The following FARP1 variants were observed in gnomAD, a reference collection of about 807,000 sequenced individuals.
The protein encoded by FARP1 is FERM, ARH/RhoGEF and pleckstrin domain protein 1.
FARP1 carries 52 observed loss-of-function variants against 128.8 expected under a neutral mutation model. The ratio of observed to expected loss-of-function variants is 0.40; its 90% CI spans 0.32 to 0.51. The LOEUF is 0.51. Among genes scored for constraint, FARP1 ranks in the 20% least tolerant of loss-of-function variants. FARP1 has a pLI of 0.45. For missense variants in FARP1, 1,333 were observed against 1,367.9 expected (o/e 0.97, Z 0.40); for synonymous variants, 580 against 551.8 (o/e 1.05, Z -0.72).
At chr13:98,179,590 C>G (rs561025328) in intron 1 of FARP1, among the ~76,000 whole-genome samples, 4 of 152,178 alleles carry the variant, frequency 2.6e-5, no homozygotes, top group East Asian at 3.9e-4. Flanking sequence ...CTTGGCCTGG[C>G]ATGGTGGCTC....
At chr13:98,332,342 A>G (rs1007139519) in intron 2 of FARP1, 1 of 151,774 alleles carries the variant, frequency 6.6e-6, no homozygotes, top group Non-Finnish European at 1.5e-5. Flanking sequence ...TCTTTTCCAT[A>G]TTAATCTGAG....
chr13:98,311,004 G>C (rs1886435914), intron 2 of FARP1, among the ~76,000 whole-genome samples: 1 of 152,190 alleles, frequency 6.6e-6, no homozygotes, highest in Non-Finnish European at 1.5e-5. Context: ...TGGGAAGTTT[G>C]TGAAAGGCAA....
intron 1 of FARP1, among the ~76,000 whole-genome samples, chr13:98,182,600 T>A (rs1878611376): frequency 6.6e-6 from 1 of 152,246 alleles, no homozygotes; most frequent in Non-Finnish European, 1.5e-5. Flanking sequence ...GTGCTGGGAT[T>A]ACAGGGGTAA....
At chr13:98,281,227 C>T (rs1345404322) in intron 2 of FARP1, among the ~76,000 whole-genome samples, 3 of 152,116 alleles carry the variant, frequency 2.0e-5, no homozygotes, top group Non-Finnish European at 4.4e-5. Context: ...GTGGCACGCA[C>T]CTGTAATCTC....
intron 5 of FARP1, 59 bp downstream of exon 5, chr13:98,368,254 G>A: frequency 1.6e-6 from 2 of 1,219,296 alleles, no homozygotes; most frequent in South Asian, 1.2e-5. Flanking sequence ...AAGAGAAAAT[G>A]AATGTTCTCA....
chr13:98,378,056 G>A (rs1889668928), intron 6 of FARP1, 138 bp downstream of exon 6: 7 of 644,332 alleles, frequency 1.1e-5, no homozygotes, highest in Admixed American at 5.2e-5. Flanking sequence ...GAAGGCCTAC[G>A]GGTGGAAGAG....
chr13:98,352,388 A>G (rs1888472355), intron 3 of FARP1, among the ~76,000 whole-genome samples: 1 of 152,214 alleles, frequency 6.6e-6, no homozygotes, highest in African/African-American at 2.4e-5. Flanking sequence ...AGTGACCAGT[A>G]ACTGCCCCTT....
intron 2 of FARP1, among the ~76,000 whole-genome samples, chr13:98,336,755 T>C (rs58334487): frequency 0.19 from 29,056 of 152,120 alleles, 3,034 homozygotes; most frequent in African/African-American, 0.26. Flanking sequence ...CAATTGAGGA[T>C]GGAGAAGGCA....
At chr13:98,373,525 G>C (rs1263363311) in intron 5 of FARP1, among the ~76,000 whole-genome samples, 1 of 98,620 alleles carries the variant, frequency 1.0e-5, no homozygotes, top group African/African-American at 4.6e-5. Flanking sequence ...TCCAGAGACA[G>C]ACAGACAGAC....
chr13:98,336,744 C>G (rs961815044), intron 2 of FARP1, among the ~76,000 whole-genome samples: 1 of 152,152 alleles, frequency 6.6e-6, no homozygotes, highest in African/African-American at 2.4e-5. Flanking sequence ...CAATGAAAAG[C>G]CAATTGAGGA....
chr13:98,331,868 C>A (rs1363164122), intron 2 of FARP1: 1 of 152,160 alleles, frequency 6.6e-6, no homozygotes, highest in Non-Finnish European at 1.5e-5. Context: ...TCCCAAATAT[C>A]TCCCACAGTT....
chr13:98,408,105 G>T (rs1475666936), intron 13 of FARP1, among the ~76,000 whole-genome samples: 2 of 152,072 alleles, frequency 1.3e-5, no homozygotes, highest in African/African-American at 4.8e-5. Context: ...CAGGACTGCA[G>T]GTTATTTTAA....
intron 2 of FARP1, among the ~76,000 whole-genome samples, chr13:98,281,191 A>G (rs1318949495): frequency 1.3e-5 from 2 of 152,150 alleles, no homozygotes; most frequent in Non-Finnish European, 2.9e-5. Flanking sequence ...TGTCTCTACT[A>G]AAAATGCAAA....
At chr13:98,164,400 G>A (rs539883021) in intron 1 of FARP1, among the ~76,000 whole-genome samples, 3 of 152,316 alleles carry the variant, frequency 2.0e-5, no homozygotes, top group East Asian at 3.9e-4. Flanking sequence ...GGACATTTTA[G>A]TTCTAGTTTG....
At chr13:98,368,453 TTTTCCATC>T (rs1889190793) in intron 5 of FARP1, among the ~76,000 whole-genome samples, 1 of 152,184 alleles carries the variant, frequency 6.6e-6, no homozygotes, top group African/African-American at 2.4e-5. Flanking sequence ...TAATAGCACA[TTTTCCATC>T]TTATATGTCA....
At chr13:98,356,227 C>T (rs79645142) in intron 3 of FARP1, among the ~76,000 whole-genome samples, 2,040 of 152,282 alleles carry the variant, frequency 0.013, 23 homozygotes, top group Middle Eastern at 0.02. Context: ...CGTCACTTAA[C>T]GATGGCTATA....
intron 1 of FARP1, among the ~76,000 whole-genome samples, chr13:98,152,840 G>A (rs1363672819): frequency 6.6e-6 from 1 of 152,156 alleles, no homozygotes; most frequent in Non-Finnish European, 1.5e-5. Context: ...GTTTGATAAT[G>A]TGTGCAAGTC....
chr13:98,355,819 GT>G (rs35589103), intron 3 of FARP1, among the ~76,000 whole-genome samples: 58,841 of 151,928 alleles, frequency 0.39, 13,003 homozygotes, highest in Non-Finnish European at 0.52. Context: ...CACAAATTGT[GT>G]TTTCATTTTC....
chr13:98,183,344 C>T (rs1878653897), intron 1 of FARP1, among the ~76,000 whole-genome samples: 1 of 152,132 alleles, frequency 6.6e-6, no homozygotes, highest in African/African-American at 2.4e-5. Flanking sequence ...AGATTGATGA[C>T]TGTCAGTTCT....
Sources: allele counts gnomAD v4.1 joint callset (sites outside exome capture counted in the v4.1 genomes callset), GRCh38; gene constraint gnomAD v4.1.1; transcripts MANE v1.5; gene names NCBI Gene and HGNC (gene_info 2026-07-23, HGNC 2026-07-21).